Variants in PHF14 observed in about 807,000 individuals in gnomAD.
PHF14 encodes PHD finger protein 14.
PHF14 carries 55 observed loss-of-function variants against 117.9 expected under a neutral mutation model. The observed-to-expected ratio is 0.47, with a 90% CI of 0.38 to 0.58. The LOEUF is 0.58. PHF14 is among the 20% of genes least tolerant of loss of function. The probability of loss-of-function intolerance (pLI) is 0.00; values close to 1 mark genes in which losing one functional copy is unlikely to be tolerated. For synonymous variants in PHF14, 409 were observed against 368.6 expected (o/e 1.11, Z -1.26); for missense variants, 978 against 1,122.2 (o/e 0.87, Z 1.84).
rs533923628 is a variant in PHF14 at position 11,154,319 on chromosome 7, T to A, written c.2773-15097T>A. 3.4e-3 allele frequency among the ~76,000 whole-genome samples: 524 copies of A among 152,258 alleles called. 5 individuals are homozygous for A. The highest frequency in any genetic ancestry group is 0.01 in the Middle Eastern group (3 of 294). ...TTGCATGTATAAAAGAAAAACAAAA[T>A]GTAAACATCATTTCAAGGTGAATTA... is the stretch of plus-strand genomic sequence containing the variant. On this transcript the variant is annotated intron_variant, in intron 17 of 17. Coordinates refer to ENST00000634607, the MANE Select transcript of PHF14 (RefSeq NM_001007157.2).
In PHF14 at chr7:11,142,463, G is replaced by A. The variant is rs184104911; in HGVS notation, c.2773-26953G>A. Among the ~76,000 whole-genome samples the A allele has an allele frequency of 5.9e-5, 9 of 151,992 alleles. No individual in the cohort carries two copies. The South Asian group carries it at 8.3e-4, about 14-fold the overall frequency. On this transcript the variant is annotated intron_variant, in intron 17 of 17. Coordinates refer to ENST00000634607, the MANE Select transcript of PHF14 (RefSeq NM_001007157.2). ...TCTGAAGTATCAGCTATAATTCATC[G>A]CTTGAAAAGAAATGCCTTATTCTGA...
intron 6 of PHF14, among the ~76,000 whole-genome samples, chr7:11,024,493 G>C (rs143784663): frequency 7.9e-5 from 12 of 152,280 alleles, no homozygotes; most frequent in African/African-American, 2.9e-4. Flanking sequence ...TCACTATCTG[G>C]CTTCTAAGGG....
In PHF14 at chr7:11,037,064, A is replaced by G. The variant is rs1784341702; in HGVS notation, c.1953A>G (p.Gln651=). 1 of 1,504,632 alleles carries G rather than the reference A, an allele frequency of 6.6e-7. No homozygotes were observed. The highest frequency in any genetic ancestry group is 9.1e-7 in the Non-Finnish European group (1 of 1,100,442). The allele number at this position is 1,504,632 out of a possible 1,614,324, so 93.2% of individuals were successfully genotyped here. ...TAAAAGATAAATTAGAGAATGAACA[A>G]GAAAAGCTTCATGTAGAATATAATA... is the stretch of plus-strand genomic sequence containing the variant. ...KNIKDKLENE[Q]EKLHVEYNKL... is the part of the protein sequence containing the mutation. Residue 651 remains glutamine, a synonymous_variant, in exon 10 of 18, where the codon CAA becomes CAG. Coordinates refer to ENST00000634607, the MANE Select transcript of PHF14 (RefSeq NM_001007157.2).
intron 4 of PHF14, among the ~76,000 whole-genome samples, chr7:11,005,685 T>C (rs2128314034): frequency 6.6e-6 from 1 of 152,326 alleles, no homozygotes; most frequent in African/African-American, 2.4e-5. Context: ...ATGTACTTAT[T>C]TTTTTGTTTC....
rs184075444 is a variant in PHF14 at position 11,149,403 on chromosome 7, A to T, written c.2773-20013A>T. Among the ~76,000 whole-genome samples the T allele has an allele frequency of 2.6e-3, 394 of 152,242 alleles. 1 individual carries two copies. Among genetic ancestry groups the T allele is most frequent in the Non-Finnish European group, 3.6e-3 (243 of 67,996 alleles). On this transcript the variant is annotated intron_variant, in intron 17 of 17. Transcript: ENST00000634607. Reference sequence around the variant, plus strand: ...CTATGGGACCCTGGGGAAGTTCATTATGTATTCTGGGAATGGCTTTTCTAT... The same window carrying T: ...CTATGGGACCCTGGGGAAGTTCATTTTGTATTCTGGGAATGGCTTTTCTAT...
At chr7:11,009,119 T>C (rs956898322) in intron 4 of PHF14, among the ~76,000 whole-genome samples, 1 of 152,178 alleles carries the variant, frequency 6.6e-6, no homozygotes, top group African/African-American at 2.4e-5. Context: ...AAAAGTGTTT[T>C]AAGTTTTTAA....
At chr7:11,021,253 A>G (rs969081009) in intron 5 of PHF14, among the ~76,000 whole-genome samples, 2 of 152,194 alleles carry the variant, frequency 1.3e-5, no homozygotes. Flanking sequence ...AGCATCTGTC[A>G]TAATAGCTCC....
At chr7:11,006,568 C>G (rs780315934) in intron 4 of PHF14, 9 of 596,302 alleles carry the variant, frequency 1.5e-5, no homozygotes, top group Non-Finnish European at 2.9e-5. Flanking sequence ...TTGGCTTTAA[C>G]TTCCTCAGTG....
At chr7:11,064,726 A>G (rs1331102120) in intron 16 of PHF14, among the ~76,000 whole-genome samples, 3 of 151,908 alleles carry the variant, frequency 2.0e-5, no homozygotes, top group African/African-American at 7.2e-5. Flanking sequence ...ATTGCATGCA[A>G]TTTGTCAGTA....
rs1407441392 is a variant in PHF14 at position 10,985,640 on chromosome 7, T to G, written c.900+2481T>G. On this transcript the variant is annotated intron_variant, in intron 3 of 17. Coordinates refer to ENST00000634607, the MANE Select transcript of PHF14 (RefSeq NM_001007157.2). ...TCTCTAGCAGTGATTCTCAAACTGT[T>G]TTTTTTTTTTTTTTTTTTTTTTTTT... is the stretch of plus-strand genomic sequence containing the variant. Among the ~76,000 whole-genome samples, 5 of 43,310 alleles carry G rather than the reference T, an allele frequency of 1.2e-4. No individual in the cohort carries two copies. The East Asian group carries it at 1.7e-3, about 14-fold the overall frequency. 28.4% of individuals were successfully genotyped at this position (43,310 alleles called of 152,430 possible).
chr7:11,000,582 A>G (rs981936838), intron 4 of PHF14, among the ~76,000 whole-genome samples: 2 of 151,662 alleles, frequency 1.3e-5, no homozygotes, highest in Non-Finnish European at 2.9e-5. Flanking sequence ...CAAGTGATCC[A>G]CCTGCCTTGG....
At chr7:11,068,132 C>T (rs1157208768) in intron 16 of PHF14, among the ~76,000 whole-genome samples, 2 of 152,078 alleles carry the variant, frequency 1.3e-5, no homozygotes, top group South Asian at 2.1e-4. Flanking sequence ...AGGTGAATCA[C>T]GAGGTCAGGA....
At chr7:11,052,552 T>G (rs1414059952) in intron 14 of PHF14, among the ~76,000 whole-genome samples, 1 of 152,206 alleles carries the variant, frequency 6.6e-6, no homozygotes, top group Non-Finnish European at 1.5e-5. Flanking sequence ...TTTTGCTAGA[T>G]AACTGCAATT....
chr7:11,094,159 C>G (rs1370428654), intron 16 of PHF14, among the ~76,000 whole-genome samples: 1 of 152,190 alleles, frequency 6.6e-6, no homozygotes, highest in Non-Finnish European at 1.5e-5. Context: ...TTGTCTGAAT[C>G]TTTTTCTTGA....
chr7:11,097,217 G>A (rs1335104637), intron 16 of PHF14, among the ~76,000 whole-genome samples: 3 of 152,058 alleles, frequency 2.0e-5, no homozygotes, highest in Non-Finnish European at 4.4e-5. Context: ...GATCTCAGGT[G>A]ATCCGCCTGC....
chr7:11,005,174 T>G (rs1011323232), intron 4 of PHF14, among the ~76,000 whole-genome samples: 17 of 152,178 alleles, frequency 1.1e-4, no homozygotes, highest in Non-Finnish European at 2.4e-4. Flanking sequence ...TATGCCATTC[T>G]CTAGCAACTT....
rs370810427 is a variant in PHF14, at chr7:11,082,476, A to G, written c.2654+20391A>G. On this transcript the variant is annotated intron_variant, in intron 16 of 17. Transcript: ENST00000634607. ...AAATTTATAAATTTTCTTCCCTCAC[A>G]TTTTCAATGTCTATTTTGCATTATT... Among the ~76,000 whole-genome samples the G allele has an allele frequency of 5.3e-5, 8 of 152,172 alleles. No homozygotes were observed. The East Asian group carries it at 1.5e-3, about 29-fold the overall frequency.
chr7:11,008,301 A>C (rs1402013846), intron 4 of PHF14, among the ~76,000 whole-genome samples: 1 of 152,198 alleles, frequency 6.6e-6, no homozygotes, highest in Non-Finnish European at 1.5e-5. Context: ...AATATGTTCA[A>C]GTTACAACCA....
intron 16 of PHF14, chr7:11,102,919 C>T (rs1787140114): frequency 9.4e-7 from 1 of 1,059,926 alleles, no homozygotes. Flanking sequence ...TGAAGAGTTA[C>T]TGAAGCCTGT....
Sources: gnomAD v4.1 joint callset for allele counts (sites outside exome capture counted in the v4.1 genomes callset) on GRCh38, gnomAD v4.1.1 for gene constraint, MANE v1.5 for transcripts, NCBI Gene and HGNC (gene_info 2026-07-23, HGNC 2026-07-21) for gene names.